Variants in ANK3 observed in about 807,000 individuals in gnomAD.
The protein encoded by ANK3 is ankyrin 3, also known as ankyrin-3.
A neutral mutation model predicts 370.9 loss-of-function variants in ANK3; 57 were observed. The observed-to-expected ratio is 0.15, with a 90% confidence interval of 0.12 to 0.19. The LOEUF is 0.19. Ranked by LOEUF, ANK3 falls within the 10% of genes least tolerant of loss-of-function variation. The pLI is 1.00. For missense variants in ANK3, 4,439 were observed against 5,302.1 expected, an observed-to-expected ratio of 0.84 and a Z score of 5.06; for synonymous variants, 1,929 against 1,946.3, an observed-to-expected ratio of 0.99 and a Z score of 0.23.
chr10:60,469,225 A>ATATATATGTATACCACTTTTAGTGTGTG (rs2065111276), intron 2 of ANK3, among the ~76,000 whole-genome samples: 1 of 946 alleles, frequency 1.1e-3, no homozygotes, highest in Non-Finnish European at 2.1e-3. Context: ...TTTAGTGCAT[A>ATATATATGTATACCACTTTTAGTGTGTG]TATATATATA....
chr10:60,339,406 A>G (rs1460589904), intron 1 of ANK3, among the ~76,000 whole-genome samples: 1 of 152,182 alleles, frequency 6.6e-6, no homozygotes, highest in East Asian at 1.9e-4. Context: ...ATCGTGTCCC[A>G]TGCACATACC....
chr10:60,075,300 T>C lies in ANK3; in HGVS notation c.5581A>G (p.Thr1861Ala), dbSNP rs2083529803. The C allele has an allele frequency of 6.2e-7, 1 of 1,614,168 alleles. No individual in the cohort carries two copies. The highest frequency in any genetic ancestry group is 8.5e-7 in the Non-Finnish European group (1 of 1,180,010). The change falls in exon 37 of 44, where the codon ACG becomes GCG. Residue 1861 changes from threonine (T) to alanine (A), a missense_variant. Thr to Ala is a moderately conservative substitution (Grantham distance 58). Coordinates refer to ENST00000280772, the MANE Select transcript of ANK3 (RefSeq NM_020987.5). ...AAGTGAGGCTGAGGATGTGTCTCCG[T>C]AGTCAATGTTTTAATGGGTGACAGC... The part of the protein sequence containing the change: ...ALLSPIKTLT[T>A]ETHPQPHFSR...
chr10:60,271,328 C>T (rs962039389), intron 4 of ANK3, among the ~76,000 whole-genome samples: 35 of 152,126 alleles, frequency 2.3e-4, no homozygotes, highest in Non-Finnish European at 4.4e-4. Context: ...CCTCAGCTTC[C>T]CAAGTAGCTG....
intron 1 of ANK3, among the ~76,000 whole-genome samples, chr10:60,693,983 A>C (rs1263378919): frequency 6.6e-6 from 1 of 152,084 alleles, no homozygotes; most frequent in Admixed American, 6.5e-5. Flanking sequence ...CCAAAGGCAA[A>C]GAAGTTGAAA....
At chr10:60,409,172 T>A (rs2063511002) in intron 2 of ANK3, among the ~76,000 whole-genome samples, 1 of 152,216 alleles carries the variant, frequency 6.6e-6, no homozygotes, top group Non-Finnish European at 1.5e-5. Context: ...ATGGGTTTCA[T>A]TAAAAAGAAA....
chr10:60,361,787 G>A (rs2058649568), intron 1 of ANK3, among the ~76,000 whole-genome samples: 2 of 152,086 alleles, frequency 1.3e-5, no homozygotes, highest in Admixed American at 1.3e-4. Flanking sequence ...CGTTAATCCA[G>A]TTTTATTGTT....
intron 24 of ANK3, among the ~76,000 whole-genome samples, chr10:60,138,020 G>A (rs554470688): frequency 1.8e-4 from 28 of 151,922 alleles, no homozygotes; most frequent in Non-Finnish European, 3.4e-4. Context: ...TATTTATAAG[G>A]CAAAAGTTCT....
At chr10:60,270,069 C>A in intron 5 of ANK3, 62 bp downstream of exon 5, 1 of 1,122,428 alleles carries the variant, frequency 8.9e-7, no homozygotes. Flanking sequence ...TTCACAACTC[C>A]AGGTTTTCAA....
At position 60,158,685 on chromosome 10, in the gene ANK3, C is replaced by CTTTTTTTTTTTTTTTTTTTTT. The variant is rs141741941; in HGVS notation, c.2614+7905_2614+7906insAAAAAAAAAAAAAAAAAAAAA. On this transcript the variant is annotated intron_variant, in intron 23 of 43. Transcript: ENST00000280772. ...TACTACAAGAGAAAGCACTTTTTTT[C>CTTTTTTTTTTTTTTTTTTTTT]TTTTTTTTGAGACAGAATCTCATTC... 2.9e-4 allele frequency among the ~76,000 whole-genome samples: 38 copies of CTTTTTTTTTTTTTTTTTTTTT among 132,732 alleles called. 8 individuals are homozygous for CTTTTTTTTTTTTTTTTTTTTT. The highest frequency in any genetic ancestry group is 4.6e-4 in the East Asian group (2 of 4,394). The allele number at this position is 132,732 out of a possible 152,430, so 87.1% of individuals were successfully genotyped here. A position where few individuals can be genotyped will look rare whatever the true frequency, so the allele number is the denominator to read the frequency against.
Position 60,518,302 on chromosome 10 carries a change from C to T in ANK3, c.96+96884G>A, listed in dbSNP as rs147393340. Reference sequence around the variant, plus strand: ...GAAAAAATAGCAAGCTCCTACTTCCCGGCAGATGAGATGCTCCCAGTGACA... The same window carrying T: ...GAAAAAATAGCAAGCTCCTACTTCCTGGCAGATGAGATGCTCCCAGTGACA... On this transcript the variant is annotated intron_variant, in intron 2 of 43. Coordinates refer to the ANK3 transcript ENST00000373827. Among the ~76,000 whole-genome samples, 473 of 152,202 alleles carry T rather than the reference C, an allele frequency of 3.1e-3. 3 individuals carry two copies. The highest frequency in any genetic ancestry group is 0.011 in the African/African-American group (440 of 41,536).
intron 2 of ANK3, among the ~76,000 whole-genome samples, chr10:60,397,153 A>G (rs2063258283): frequency 6.6e-6 from 1 of 151,632 alleles, no homozygotes; most frequent in Non-Finnish European, 1.5e-5. Context: ...TCTCTAGAGA[A>G]TGAAGCATTT....
chr10:60,219,190 T>A (rs939822817), intron 8 of ANK3, among the ~76,000 whole-genome samples: 1 of 152,104 alleles, frequency 6.6e-6, no homozygotes, highest in Non-Finnish European at 1.5e-5. Flanking sequence ...TAACCTTTTA[T>A]CAAGGTTCTT....
chr10:60,380,320 C>A (rs1159469732), intron 1 of ANK3, among the ~76,000 whole-genome samples: 1 of 152,010 alleles, frequency 6.6e-6, no homozygotes, highest in Non-Finnish European at 1.5e-5. Flanking sequence ...ATTTCATGGT[C>A]CAGGAAAGAC....
chr10:60,164,880 C>T (rs1053868173), intron 23 of ANK3, among the ~76,000 whole-genome samples: 1 of 152,114 alleles, frequency 6.6e-6, no homozygotes, highest in East Asian at 1.9e-4. Context: ...TCCAATAGCC[C>T]TGGACACATT....
chr10:60,684,999 G>A, intron 1 of ANK3: 2 of 1,551,730 alleles, frequency 1.3e-6, no homozygotes, highest in Non-Finnish European at 1.8e-6. Flanking sequence ...GGCATTTGCA[G>A]CCTACCTGCG....
At chr10:60,067,365 G>A (rs2081864080) in intron 38 of ANK3, among the ~76,000 whole-genome samples, 1 of 152,064 alleles carries the variant, frequency 6.6e-6, no homozygotes, top group African/African-American at 2.4e-5. Context: ...AGTGATATAA[G>A]ATTTTTCTTT....
chr10:60,704,829 A>C (rs1352325315), intron 1 of ANK3, among the ~76,000 whole-genome samples: 4 of 152,206 alleles, frequency 2.6e-5, no homozygotes, highest in Non-Finnish European at 4.4e-5. Flanking sequence ...TAGATCTCCT[A>C]GCACTCCAAG....
intron 2 of ANK3, among the ~76,000 whole-genome samples, chr10:60,477,244 C>T (rs1478544306): frequency 6.6e-6 from 1 of 151,832 alleles, no homozygotes; most frequent in Admixed American, 6.6e-5. Context: ...ATAAACATGG[C>T]AATGAGTAAG....
intron 42 of ANK3, among the ~76,000 whole-genome samples, chr10:60,055,370 C>T (rs1237175552): frequency 6.6e-6 from 1 of 152,182 alleles, no homozygotes; most frequent in Non-Finnish European, 1.5e-5. Context: ...TAACGTCTCT[C>T]TGGTTCTTGT....
Sources: gnomAD v4.1 joint callset for allele counts (sites outside exome capture counted in the v4.1 genomes callset) on GRCh38, gnomAD v4.1.1 for gene constraint, MANE v1.5 for transcripts, NCBI Gene and HGNC (gene_info 2026-07-23, HGNC 2026-07-21) for gene names.